The following LOC128125818 variants were observed in gnomAD, a reference collection of about 807,000 sequenced individuals.
the LOC128125818 span, among the ~76,000 whole-genome samples, chr4:6,065,826 C>A: frequency 2.0e-5 from 3 of 152,168 alleles, no homozygotes; most frequent in African/African-American, 7.2e-5. The surrounding 1 kb of genome is among the most constrained non-coding windows in gnomAD (Gnocchi z 5.1). Flanking sequence ...TCAGAAAACA[C>A]TGGCAAAGCT....
chr4:6,068,854 G>A, the LOC128125818 span, among the ~76,000 whole-genome samples: 1 of 152,144 alleles, frequency 6.6e-6, no homozygotes, highest in African/African-American at 2.4e-5. Flanking sequence ...ACAGGTGTGA[G>A]CCATCATGCC....
the LOC128125818 span, among the ~76,000 whole-genome samples, chr4:6,066,673 C>T: frequency 8.2e-5 from 12 of 146,752 alleles, no homozygotes; most frequent in Non-Finnish European, 1.2e-4. Flanking sequence ...CATGCCTGCC[C>T]TCCCTGGGAG....
At chr4:6,067,489 G>A in the LOC128125818 span, among the ~76,000 whole-genome samples, 1 of 152,132 alleles carries the variant, frequency 6.6e-6, no homozygotes, top group Non-Finnish European at 1.5e-5. This position sits in a 1 kb window ranked among gnomAD's most constrained non-coding sequence, Gnocchi z 4.6. Flanking sequence ...CCCGACTTCA[G>A]GCATCATGGA....
the LOC128125818 span, among the ~76,000 whole-genome samples, chr4:6,068,060 G>A: frequency 6.6e-6 from 1 of 152,190 alleles, no homozygotes; most frequent in Non-Finnish European, 1.5e-5. Flanking sequence ...ACCCTCCTGG[G>A]GGCAACGACT....
chr4:6,065,158 T>G, the LOC128125818 span: 1 of 976,416 alleles, frequency 1.0e-6, no homozygotes. This position sits in a 1 kb window ranked among gnomAD's most constrained non-coding sequence, Gnocchi z 5.1. Context: ...GCTTCGTAAC[T>G]GACTGGGTGG....
chr4:6,065,076 G>C, the LOC128125818 span: 6 of 1,593,410 alleles, frequency 3.8e-6, no homozygotes, highest in Non-Finnish European at 5.1e-6. The surrounding 1 kb of genome is among the most constrained non-coding windows in gnomAD (Gnocchi z 5.1). Context: ...GTCCCTGGTC[G>C]TGGGCATGCC....
chr4:6,066,379 G>A, the LOC128125818 span, among the ~76,000 whole-genome samples: 4 of 152,106 alleles, frequency 2.6e-5, no homozygotes, highest in South Asian at 2.1e-4. Context: ...ACCACCACAC[G>A]TCACCCAGAA....
At chr4:6,066,668 C>T in the LOC128125818 span, among the ~76,000 whole-genome samples, 2 of 147,648 alleles carry the variant, frequency 1.4e-5, no homozygotes, top group Non-Finnish European at 1.5e-5. Flanking sequence ...CCTCTCATGC[C>T]TGCCCTCCCT....
At chr4:6,066,855 C>T in the LOC128125818 span, among the ~76,000 whole-genome samples, 1 of 152,170 alleles carries the variant, frequency 6.6e-6, no homozygotes, top group Non-Finnish European at 1.5e-5. Context: ...ATCCACCTCC[C>T]ATCCTGCCCT....
the LOC128125818 span, among the ~76,000 whole-genome samples, chr4:6,066,593 G>T: frequency 2.6e-5 from 4 of 152,246 alleles, 1 homozygote; most frequent in East Asian, 7.7e-4. Flanking sequence ...CCTGAGTCCA[G>T]CAGCAGCAGC....
the LOC128125818 span, among the ~76,000 whole-genome samples, chr4:6,068,992 A>T: frequency 6.6e-6 from 1 of 152,242 alleles, no homozygotes; most frequent in African/African-American, 2.4e-5. Context: ...CAGTAAGCCT[A>T]CATGTACTCG....
the LOC128125818 span, among the ~76,000 whole-genome samples, chr4:6,066,960 A>G: frequency 6.6e-6 from 1 of 152,078 alleles, no homozygotes; most frequent in Non-Finnish European, 1.5e-5. Flanking sequence ...TCTTCCCCAG[A>G]ATCCACATGT....
At chr4:6,067,409 T>C in the LOC128125818 span, among the ~76,000 whole-genome samples, 1 of 152,164 alleles carries the variant, frequency 6.6e-6, no homozygotes, top group Admixed American at 6.5e-5. This position sits in a 1 kb window ranked among gnomAD's most constrained non-coding sequence, Gnocchi z 4.6. Context: ...TCAACTTCAA[T>C]GTCATTTCTC....
At chr4:6,067,608 A>AC in the LOC128125818 span, among the ~76,000 whole-genome samples, 120 of 146,780 alleles carry the variant, frequency 8.2e-4, no homozygotes, top group Middle Eastern at 7.0e-3. This position sits in a 1 kb window ranked among gnomAD's most constrained non-coding sequence, Gnocchi z 4.6. Flanking sequence ...CACACAGGTC[A>AC]CCCCCCTGAG....
chr4:6,068,427 T>C, the LOC128125818 span, among the ~76,000 whole-genome samples: 72,805 of 152,036 alleles, frequency 0.48, 21,393 homozygotes, highest in Non-Finnish European at 0.66. Context: ...GGCAGTCCAA[T>C]TTGAATCCTG....
chr4:6,069,294 T>A, the LOC128125818 span, among the ~76,000 whole-genome samples: 1 of 152,220 alleles, frequency 6.6e-6, no homozygotes, highest in Non-Finnish European at 1.5e-5. The surrounding 1 kb of genome is among the most constrained non-coding windows in gnomAD (Gnocchi z 4.5). Context: ...TCTCTAGGTT[T>A]TTCCTCACAA....
chr4:6,067,289 G>T, the LOC128125818 span, among the ~76,000 whole-genome samples: 1 of 152,170 alleles, frequency 6.6e-6, no homozygotes, highest in Non-Finnish European at 1.5e-5. The surrounding 1 kb of genome is among the most constrained non-coding windows in gnomAD (Gnocchi z 4.6). Context: ...ATTTTGTTTT[G>T]CACATGACAC....
chr4:6,069,752 CAAAA>C, the LOC128125818 span, among the ~76,000 whole-genome samples: 25 of 125,074 alleles, frequency 2.0e-4, no homozygotes, highest in Non-Finnish European at 1.3e-4. This position sits in a 1 kb window ranked among gnomAD's most constrained non-coding sequence, Gnocchi z 4.5. Context: ...GATCCTGTCT[CAAAA>C]AAAAAAAAAA....
chr4:6,069,996 C>T, the LOC128125818 span: 218 of 398,138 alleles, frequency 5.5e-4, 1 homozygote, highest in African/African-American at 3.7e-3. The surrounding 1 kb of genome is among the most constrained non-coding windows in gnomAD (Gnocchi z 4.5). Flanking sequence ...GAGCATCGGT[C>T]GGCCACAGCC....
Sources: gnomAD v4.1 joint callset for allele counts (sites outside exome capture counted in the v4.1 genomes callset) on GRCh38, gnomAD v4.1.1 for gene constraint, Gnocchi (gnomAD v3.1) non-coding constraint, MANE v1.5 for transcripts.